Variants in COL8A1 observed in about 807,000 individuals in gnomAD.
The protein encoded by COL8A1 is collagen type VIII alpha 1 chain.
Under a neutral mutation model 42.7 loss-of-function variants are expected in COL8A1, and 21 were observed. The ratio of observed to expected loss-of-function variants is 0.49; its 90% CI spans 0.35 to 0.71. The LOEUF is 0.71. Ranked by LOEUF, COL8A1 falls within the 30% of genes least tolerant of loss-of-function variation. The pLI is 0.01. For synonymous variants in COL8A1, 367 were observed against 369.1 expected (o/e 0.99, Z 0.06); for missense variants, 788 against 962.4 (o/e 0.82, Z 2.40).
intron 1 of COL8A1, among the ~76,000 whole-genome samples, chr3:99,671,643 G>C (rs1938548621): frequency 6.6e-6 from 1 of 151,934 alleles, no homozygotes; most frequent in Non-Finnish European, 1.5e-5. Flanking sequence ...GTTTCTATGA[G>C]TTTGACTTTT....
At chr3:99,741,216 G>T (rs1470120615) in intron 1 of COL8A1, among the ~76,000 whole-genome samples, 2 of 151,782 alleles carry the variant, frequency 1.3e-5, no homozygotes, top group Non-Finnish European at 2.9e-5. Context: ...ATGTTTATTA[G>T]CTTTTTAATA....
chr3:99,662,700 T>A (rs975730527), intron 1 of COL8A1, among the ~76,000 whole-genome samples: 6 of 152,196 alleles, frequency 3.9e-5, no homozygotes, highest in Admixed American at 3.9e-4. Flanking sequence ...GAAGGGTTAG[T>A]TTCTGTGGAG....
intron 1 of COL8A1, among the ~76,000 whole-genome samples, chr3:99,739,748 C>G (rs1387393801): frequency 1.3e-5 from 2 of 152,200 alleles, no homozygotes; most frequent in African/African-American, 4.8e-5. Context: ...GCCTCTGGGC[C>G]TGTGATGGGA....
chr3:99,769,412 C>T (rs909390398), intron 2 of COL8A1, among the ~76,000 whole-genome samples: 1 of 152,222 alleles, frequency 6.6e-6, no homozygotes, highest in Admixed American at 6.5e-5. Flanking sequence ...TATCTGCCTC[C>T]TTGGTAGCCT....
Position 99,796,755 on chromosome 3 carries a change from G to GTCT in COL8A1, c.*620_*621insCTT, listed in dbSNP as rs1942117165. On this transcript the variant is annotated 3_prime_UTR_variant, in exon 4 of 4. Transcript: ENST00000652472. ...TAACAGGAGTCCTCGTCAGAATTGCGTGTCTGTTGTCTCTAAAAGAATGGG... is the reference window on the plus strand; with the variant it reads ...TAACAGGAGTCCTCGTCAGAATTGCGTCTTGTCTGTTGTCTCTAAAAGAATGGG... 1 of 152,172 alleles carries GTCT rather than the reference G, an allele frequency of 6.6e-6. No homozygotes were observed. The highest frequency in any genetic ancestry group is 2.4e-5 in the African/African-American group (1 of 41,426). The allele number at this position is 152,172 out of a possible 1,614,324, so 9.4% of individuals were successfully genotyped here.
chr3:99,664,139 C>T (rs1213545853), intron 1 of COL8A1, among the ~76,000 whole-genome samples: 2 of 152,192 alleles, frequency 1.3e-5, no homozygotes, highest in East Asian at 3.8e-4. Flanking sequence ...AAACAGAATC[C>T]ACTGTGCAAC....
intron 2 of COL8A1, among the ~76,000 whole-genome samples, chr3:99,760,473 G>C (rs1941346610): frequency 6.6e-6 from 1 of 152,136 alleles, no homozygotes; most frequent in African/African-American, 2.4e-5. Context: ...CTCTCCCATA[G>C]AGAAATATTA....
chr3:99,692,203 C>T (rs1244718744), intron 1 of COL8A1, among the ~76,000 whole-genome samples: 1 of 152,194 alleles, frequency 6.6e-6, no homozygotes, highest in African/African-American at 2.4e-5. Flanking sequence ...GCAGAAACTA[C>T]ATACATCCAT....
chr3:99,740,497 T>C (rs1387611562), intron 1 of COL8A1, among the ~76,000 whole-genome samples: 1 of 152,170 alleles, frequency 6.6e-6, no homozygotes, highest in Admixed American at 6.5e-5. Flanking sequence ...TTTCTTCACA[T>C]GGTGGCAGCA....
At chr3:99,659,951 G>T (rs1024894111) in intron 1 of COL8A1, among the ~76,000 whole-genome samples, 2 of 152,196 alleles carry the variant, frequency 1.3e-5, no homozygotes, top group Non-Finnish European at 2.9e-5. Context: ...GCTTTTCCCA[G>T]AGTAGTTTGA....
intron 2 of COL8A1, among the ~76,000 whole-genome samples, chr3:99,787,949 A>G (rs1941929535): frequency 3.9e-5 from 6 of 152,136 alleles, no homozygotes; most frequent in Admixed American, 3.9e-4. Flanking sequence ...AACTCACAAT[A>G]TTATTGTGTC....
At chr3:99,758,751 A>G (rs1941308747) in intron 2 of COL8A1, among the ~76,000 whole-genome samples, 1 of 152,170 alleles carries the variant, frequency 6.6e-6, no homozygotes, top group Admixed American at 6.6e-5. Context: ...ACTTCACTGA[A>G]GTCTGATTTG....
At chr3:99,674,886 T>C (rs1340125472) in intron 1 of COL8A1, among the ~76,000 whole-genome samples, 1 of 152,132 alleles carries the variant, frequency 6.6e-6, no homozygotes, top group African/African-American at 2.4e-5. Context: ...TGAAATCTAG[T>C]TTTCTTTAAA....
At chr3:99,740,631 G>T (rs1026675160) in intron 1 of COL8A1, among the ~76,000 whole-genome samples, 1 of 152,226 alleles carries the variant, frequency 6.6e-6, no homozygotes, top group African/African-American at 2.4e-5. Flanking sequence ...ACCTCCCACT[G>T]GGTACCTCCC....
chr3:99,678,942 A>G (rs1261054032), intron 1 of COL8A1: 1 of 152,206 alleles, frequency 6.6e-6, no homozygotes, highest in Non-Finnish European at 1.5e-5. Context: ...AAATTGTCCT[A>G]TATATTGAGG....
intron 1 of COL8A1, among the ~76,000 whole-genome samples, chr3:99,682,313 A>T (rs138022779): frequency 6.6e-6 from 1 of 152,236 alleles, no homozygotes; most frequent in East Asian, 1.9e-4. Flanking sequence ...GCTACTCGGG[A>T]GTCTGAGATG....
chr3:99,759,388 C>T (rs1335201821), intron 2 of COL8A1, among the ~76,000 whole-genome samples: 4 of 152,112 alleles, frequency 2.6e-5, no homozygotes, highest in African/African-American at 4.8e-5. Context: ...GGCTAAAAAG[C>T]GACAGAAAGA....
chr3:99,737,284 T>C (rs545691958), intron 1 of COL8A1, among the ~76,000 whole-genome samples: 6 of 152,296 alleles, frequency 3.9e-5, no homozygotes, highest in Admixed American at 3.9e-4. Context: ...TGTTAGCTGG[T>C]TATGTTGCTC....
At chr3:99,782,222 C>A (rs1470278117) in intron 2 of COL8A1, among the ~76,000 whole-genome samples, 1 of 151,900 alleles carries the variant, frequency 6.6e-6, no homozygotes. Flanking sequence ...CTTATTTGAC[C>A]AGAGGAATAT....
Sources: gnomAD v4.1 joint callset for allele counts (sites outside exome capture counted in the v4.1 genomes callset) on GRCh38, gnomAD v4.1.1 for gene constraint, MANE v1.5 for transcripts, NCBI Gene and HGNC (gene_info 2026-07-23, HGNC 2026-07-21) for gene names.